Variants in LIG1 observed in about 807,000 individuals in gnomAD.
LIG1 encodes the protein ligase I, DNA, ATP-dependent.
Under a neutral mutation model 115.7 loss-of-function variants are expected in LIG1, and 70 were observed. The ratio of observed to expected loss-of-function variants is 0.60; its 90% CI spans 0.50 to 0.74. LIG1 has a LOEUF of 0.74. Among genes scored for constraint, LIG1 ranks in the 30% least tolerant of loss-of-function variants. LIG1 has a pLI of 0.00. For synonymous variants in LIG1, 487 were observed against 495.3 expected, an observed-to-expected ratio of 0.98 and a Z score of 0.22; for missense variants, 1,115 against 1,225.6, an observed-to-expected ratio of 0.91 and a Z score of 1.35.
chr19:48,151,839 T>C (rs970992376), intron 6 of LIG1, among the ~76,000 whole-genome samples: 16 of 152,152 alleles, frequency 1.1e-4, no homozygotes, highest in Non-Finnish European at 1.9e-4. Context: ...GAGACATAAA[T>C]GGTGTGTCTT....
chr19:48,131,110 C>G lies in LIG1; in HGVS notation c.1787G>C (p.Gly596Ala), dbSNP rs1027680028. The part of the protein sequence containing the change: ...IFSRNQEDNT[G>A]KYPDIISRIP... ...GCGGCTGATGATGTCCGGGTACTTC[C>G]CAGTGTTGTCTTCCTGATTCCTGCT... Residue 596 changes from glycine to alanine, a missense_variant, in exon 19 of 28, where the codon GGG (glycine) becomes GCG (alanine). Coordinates refer to ENST00000263274, the MANE Select transcript of LIG1 (RefSeq NM_000234.3). 1.2e-6 allele frequency: 2 copies of G among 1,614,178 alleles called. No homozygotes were observed. Among genetic ancestry groups the G allele is most frequent in the South Asian group, 1.1e-5 (1 of 91,090 alleles).
chr19:48,161,119 G>A (rs2036149268), intron 4 of LIG1: 2 of 565,354 alleles, frequency 3.5e-6, no homozygotes, highest in Middle Eastern at 4.8e-4. Context: ...CACCCTATGA[G>A]GAAGGTGTTA....
chr19:48,153,920 G>T lies in LIG1; in HGVS notation c.418C>A (p.Gln140Lys). The T allele has an allele frequency of 6.2e-7, 1 of 1,612,660 alleles. No individual in the cohort carries two copies. Among genetic ancestry groups the T allele is most frequent in the Non-Finnish European group, 8.5e-7 (1 of 1,179,482 alleles). Reference protein sequence around the residue: ...KRTIQEVLEEQSEDEDREAKR... With the variant: ...KRTIQEVLEEKSEDEDREAKR... ...GCTTCTCTGTCCTCGTCCTCACTCT[G>T]CTCTTCCAGGACTTCCTGAATGGTC... is the stretch of plus-strand genomic sequence containing the variant. Residue 140 changes from glutamine to lysine, a missense_variant, in exon 6 of 28, where the codon CAG (glutamine) becomes AAG (lysine). By Grantham distance (53) the Gln-to-Lys change is moderately conservative (BLOSUM62 1). Coordinates refer to ENST00000263274, the MANE Select transcript of LIG1 (RefSeq NM_000234.3).
chr19:48,123,545 G>C (rs2033448609), intron 21 of LIG1: 1 of 591,536 alleles, frequency 1.7e-6, no homozygotes, highest in African/African-American at 1.9e-5. Flanking sequence ...GTGACTTCAG[G>C]AGCATCAGAC....
intron 4 of LIG1, 158 bp downstream of exon 4, chr19:48,161,214 G>C: frequency 9.4e-7 from 1 of 1,068,168 alleles, no homozygotes; most frequent in Non-Finnish European, 1.4e-6. Flanking sequence ...GGGGCAATTA[G>C]GACCAGGTTG....
chr19:48,144,263 G>T (rs2034973923), intron 9 of LIG1, among the ~76,000 whole-genome samples: 1 of 152,190 alleles, frequency 6.6e-6, no homozygotes. Context: ...GTCAGGGAAG[G>T]CCGGAGACAT....
chr19:48,131,488 G>A (rs1015348603), intron 18 of LIG1, among the ~76,000 whole-genome samples: 1 of 151,658 alleles, frequency 6.6e-6, no homozygotes, highest in Admixed American at 6.6e-5. Flanking sequence ...TTTTTTTGAG[G>A]CGGAGTCTCG....
chr19:48,120,126 A>C, intron 24 of LIG1: 1 of 956,432 alleles, frequency 1.0e-6, no homozygotes, highest in Non-Finnish European at 1.2e-6. Flanking sequence ...CACTTCTGTC[A>C]CTGATCGTTT....
intron 1 of LIG1, 200 bp from the exon 2 acceptor site, chr19:48,165,823 GA>G (rs1488018632): frequency 3.3e-6 from 2 of 608,844 alleles, no homozygotes; most frequent in African/African-American, 1.9e-5. Context: ...CCAAATCAGA[GA>G]AAAAGATAAG....
At chr19:48,150,259 CTT>C in intron 7 of LIG1, 49 bp from the exon 8 acceptor site, 1 of 1,606,542 alleles carries the variant, frequency 6.2e-7, no homozygotes, top group Non-Finnish European at 8.5e-7. Flanking sequence ...GACCCTGAGA[CTT>C]TTTTTTTCTT....
chr19:48,151,098 A>G, intron 7 of LIG1, 134 bp downstream of exon 7: 1 of 641,902 alleles, frequency 1.6e-6, no homozygotes, highest in Non-Finnish European at 2.8e-6. Flanking sequence ...AATAAAAACT[A>G]TTATTCTTCT....
chr19:48,140,218 A>AT, intron 11 of LIG1, 75 bp from the exon 12 acceptor site: 2 of 629,442 alleles, frequency 3.2e-6, no homozygotes, highest in Non-Finnish European at 5.6e-6. Context: ...GGTGGGTTTA[A>AT]GGGGGTGGAC....
At chr19:48,128,123 G>C (rs1345853314) in intron 19 of LIG1, 103 bp from the exon 20 acceptor site, 1 of 897,136 alleles carries the variant, frequency 1.1e-6, no homozygotes, top group Non-Finnish European at 1.9e-6. Context: ...CAGCTCTCAA[G>C]ATGCACTAAC....
intron 9 of LIG1, among the ~76,000 whole-genome samples, chr19:48,145,133 A>C (rs1209835037): frequency 6.6e-6 from 1 of 152,082 alleles, no homozygotes; most frequent in East Asian, 1.9e-4. Context: ...TCCTGGACTT[A>C]AGCGATCCTC....
At position 48,150,071 on chromosome 19, in the gene LIG1, G is replaced by T; in HGVS notation, c.697+17C>A. On this transcript the variant is annotated intron_variant, in intron 8 of 27. Transcript: ENST00000263274. ...CCTGTACAACCCCGGGAGGTGGGGT[G>T]AGCAAGGGAAACTCACTGAAGAAGC... 6.2e-7 allele frequency: 1 copy of T among 1,614,148 alleles called. No individual in the cohort carries two copies. The highest frequency in any genetic ancestry group is 1.1e-5 in the South Asian group (1 of 91,074).
chr19:48,163,510 C>T (rs747510404), intron 2 of LIG1, among the ~76,000 whole-genome samples: 4 of 152,066 alleles, frequency 2.6e-5, no homozygotes, highest in Admixed American at 6.6e-5. Flanking sequence ...CCACTGCGCC[C>T]GGCCTACCTA....
Position 48,140,163 on chromosome 19 carries a change from T to G in LIG1, c.915-20A>C. On this transcript the variant is annotated intron_variant, in intron 11 of 27. Transcript: ENST00000263274. The stretch of plus-strand genomic sequence containing the variant: ...CGGAGCCTGGAGGAGGGGACGGGGG[T>G]ATGAACACGTGGTTCCTCAAGGTCA... 6.2e-7 allele frequency: 1 copy of G among 1,608,428 alleles called. No homozygotes were observed. The highest frequency in any genetic ancestry group is 1.1e-5 in the South Asian group (1 of 90,838).
intron 21 of LIG1, among the ~76,000 whole-genome samples, chr19:48,123,820 G>A (rs2033473132): frequency 6.7e-6 from 1 of 149,996 alleles, no homozygotes; most frequent in Non-Finnish European, 1.5e-5. Flanking sequence ...TTACAGGCGT[G>A]AGCCACTGCA....
At position 48,144,076 on chromosome 19, in the gene LIG1, T is replaced by C; in HGVS notation, c.777-113A>G. 7.5e-6 allele frequency: 7 copies of C among 927,904 alleles called. No individual in the cohort carries two copies. The South Asian group carries it at 9.2e-5, about 12-fold the overall frequency. The allele number at this position is 927,904 out of a possible 1,614,324, so 57.5% of individuals were successfully genotyped here. On this transcript the variant is annotated intron_variant, in intron 9 of 27. Transcript: ENST00000263274. ...TCAAGGCACACGGTGCAGAGCTGGATGAAAACAAAGTTTGCTAACCTGGAG... is the reference window on the plus strand; with the variant it reads ...TCAAGGCACACGGTGCAGAGCTGGACGAAAACAAAGTTTGCTAACCTGGAG...
Sources: allele counts gnomAD v4.1 joint callset (sites outside exome capture counted in the v4.1 genomes callset), GRCh38; gene constraint gnomAD v4.1.1; transcripts MANE v1.5; gene names NCBI Gene and HGNC (gene_info 2026-07-23, HGNC 2026-07-21).